PXK: variants seen among roughly 807,000 people sequenced by gnomAD.
PXK encodes the protein PX domain containing serine/threonine kinase like.
Under a neutral mutation model 84.7 loss-of-function variants are expected in PXK, and 35 were observed. The ratio of observed to expected loss-of-function variants is 0.41; its 90% CI spans 0.32 to 0.55. PXK has a LOEUF of 0.55. Among genes scored for constraint, PXK ranks in the 20% least tolerant of loss-of-function variants. The probability of loss-of-function intolerance (pLI) is 0.21; values close to 1 mark genes in which losing one functional copy is unlikely to be tolerated. For missense variants in PXK, 634 were observed against 699.7 expected, an observed-to-expected ratio of 0.91 and a Z score of 1.06; for synonymous variants, 253 against 260.8, an observed-to-expected ratio of 0.97 and a Z score of 0.29.
chr3:58,333,396 A>T lies in PXK; in HGVS notation c.102+306A>T. The T allele has an allele frequency of 3.6e-6, 1 of 280,078 alleles. No individual in the cohort carries two copies. The highest frequency in any genetic ancestry group is 9.3e-5 in the East Asian group (1 of 10,784). The allele number at this position is 280,078 out of a possible 1,614,324, so 17.3% of individuals were successfully genotyped here. On this transcript the variant is annotated intron_variant, in intron 1 of 17. Transcript: ENST00000356151. This position sits in a 1 kb window ranked among gnomAD's most constrained non-coding sequence, Gnocchi z 5.4. ...GGGGGGCGGGGGCGGGGGCTGCGGGATTCCCGGGCTCACCTTGGACTAGGG... is the reference window on the plus strand; with the variant it reads ...GGGGGGCGGGGGCGGGGGCTGCGGGTTTCCCGGGCTCACCTTGGACTAGGG...
At chr3:58,380,495 G>A (rs1420908015) in intron 3 of PXK, among the ~76,000 whole-genome samples, 1 of 151,064 alleles carries the variant, frequency 6.6e-6, no homozygotes, top group African/African-American at 2.4e-5. Flanking sequence ...TAAACTAGAA[G>A]ACAACCAAAT....
In PXK at chr3:58,385,345, C is replaced by T. The variant is rs906414117; in HGVS notation, c.388+2645C>T. Among the ~76,000 whole-genome samples, 4 of 152,170 alleles carry T rather than the reference C, an allele frequency of 2.6e-5. No individual in the cohort carries two copies. The highest frequency in any genetic ancestry group is 1.5e-5 in the Non-Finnish European group (1 of 68,036). On this transcript the variant is annotated intron_variant, in intron 4 of 17. Coordinates refer to ENST00000356151, the MANE Select transcript of PXK (RefSeq NM_017771.5). The surrounding 1 kb of genome is among the most constrained non-coding windows in gnomAD (Gnocchi z 5.1). ...AATGAAATTTCGGAGTTTGTCTAGC[C>T]TCAAGGCTGACATACCAGCCACCTC...
rs1169839604 is a variant in PXK at position 58,369,761 on chromosome 3, T to C, written c.201+283T>C. 2.0e-5 allele frequency among the ~76,000 whole-genome samples: 3 copies of C among 150,266 alleles called. No homozygotes were observed. In the East Asian group the frequency reaches 5.9e-4, roughly 29 times the overall value. ...ATCACTTGAACCTGGGAAGCGGAGGTTGTGGTGAGCCGAGATCGCACCATT... is the reference window on the plus strand; with the variant it reads ...ATCACTTGAACCTGGGAAGCGGAGGCTGTGGTGAGCCGAGATCGCACCATT... On this transcript the variant is annotated intron_variant, in intron 3 of 17. Transcript: ENST00000356151.
At chr3:58,352,685 C>T (rs2097957694) in intron 1 of PXK, among the ~76,000 whole-genome samples, 2 of 152,058 alleles carry the variant, frequency 1.3e-5, no homozygotes, top group Admixed American at 1.3e-4. Flanking sequence ...TAGAATGCTG[C>T]AGGAAGTGGC....
chr3:58,333,521 G>A lies in PXK; in HGVS notation c.102+431G>A, dbSNP rs991239994. 6.6e-6 allele frequency: 3 copies of A among 456,686 alleles called. No homozygotes were observed. Among genetic ancestry groups the A allele is most frequent in the Non-Finnish European group, 1.3e-5 (3 of 226,926 alleles). The allele number at this position is 456,686 out of a possible 1,614,324, so 28.3% of individuals were successfully genotyped here. ...TTCCTCCTTGCAGCTGAGGGTCTGGGTGATGGGGATGAGGGTGTGCCGGGC... is the reference window on the plus strand; with the variant it reads ...TTCCTCCTTGCAGCTGAGGGTCTGGATGATGGGGATGAGGGTGTGCCGGGC... On this transcript the variant is annotated intron_variant, in intron 1 of 17. Coordinates refer to ENST00000356151, the MANE Select transcript of PXK (RefSeq NM_017771.5). The surrounding 1 kb of genome is among the most constrained non-coding windows in gnomAD (Gnocchi z 5.4).
chr3:58,419,799 T>A (rs1171339377), intron 17 of PXK, among the ~76,000 whole-genome samples: 1 of 152,250 alleles, frequency 6.6e-6, no homozygotes, highest in African/African-American at 2.4e-5. Flanking sequence ...TTAGGAACTC[T>A]GAGATTTACC....
chr3:58,391,967 A>C lies in PXK; in HGVS notation c.615+120A>C, dbSNP rs551679473. Reference sequence around the variant, plus strand: ...GGGGAGATACAGTGGATTTCAGGTCAGACTGAAATTGTGTAGGGCTAATCT... The same window carrying C: ...GGGGAGATACAGTGGATTTCAGGTCCGACTGAAATTGTGTAGGGCTAATCT... On this transcript the variant is annotated intron_variant, in intron 7 of 17. Coordinates refer to ENST00000356151, the MANE Select transcript of PXK (RefSeq NM_017771.5). 8.1e-5 allele frequency: 72 copies of C among 893,836 alleles called. No homozygotes were observed. In the Admixed American group the frequency reaches 1.6e-3, roughly 20 times the overall value. The allele number at this position is 893,836 out of a possible 1,614,324, so 55.4% of individuals were successfully genotyped here.
intron 12 of PXK, among the ~76,000 whole-genome samples, chr3:58,402,235 T>TCCCTCCCCCTCGCTCTCC (rs2058684949): frequency 6.7e-6 from 1 of 149,030 alleles, no homozygotes; most frequent in Non-Finnish European, 1.5e-5. Flanking sequence ...CTCTTTTCTT[T>TCCCTCCCCCTCGCTCTCC]CCCTCCCCCT....
chr3:58,394,733 C>G (rs956575198), intron 7 of PXK, among the ~76,000 whole-genome samples: 1 of 152,192 alleles, frequency 6.6e-6, no homozygotes, highest in Non-Finnish European at 1.5e-5. Flanking sequence ...AAAGAGGACC[C>G]CTTCACTTGT....
At position 58,397,490 on chromosome 3, in the gene PXK, A is replaced by AT. The variant is rs1393919895; in HGVS notation, c.985-113dup. 1.1e-6 allele frequency: 1 copy of AT among 940,082 alleles called. No homozygotes were observed. The highest frequency in any genetic ancestry group is 1.7e-6 in the Non-Finnish European group (1 of 586,596). 58.2% of individuals were successfully genotyped at this position (940,082 alleles called of 1,614,324 possible). ...CTTTGGAGTTGCATTTACGTTACCA[A>AT]TTAGGAACGGGGCTATCCCTGGGCT... On this transcript the variant is annotated intron_variant, in intron 10 of 17. Transcript: ENST00000356151. This position sits in a 1 kb window ranked among gnomAD's most constrained non-coding sequence, Gnocchi z 4.7.
At chr3:58,389,758 G>A (rs1278560673) in intron 4 of PXK, among the ~76,000 whole-genome samples, 2 of 152,020 alleles carry the variant, frequency 1.3e-5, no homozygotes, top group African/African-American at 4.8e-5. Context: ...TCAGCACTTT[G>A]GGAGGCCGAG....
chr3:58,377,583 A>G (rs1029118002), intron 3 of PXK, among the ~76,000 whole-genome samples: 7 of 151,726 alleles, frequency 4.6e-5, no homozygotes, highest in African/African-American at 1.7e-4. Context: ...GTTCAAGTAC[A>G]TAGTGAGACC....
rs1553817680 is a variant in PXK, at chr3:58,409,770, T to TTA, written c.1395+152_1395+153insTA. On this transcript the variant is annotated intron_variant, in intron 15 of 17. Transcript: ENST00000356151. This position sits in a 1 kb window ranked among gnomAD's most constrained non-coding sequence, Gnocchi z 4.2. The stretch of plus-strand genomic sequence containing the variant: ...CCAGATGACTGGGGTGCAGTTTTTT[T>TTA]GGGGAAAAAAAAAGAGTCATATGAT... The TTA allele has an allele frequency of 4.2e-6, 1 of 235,392 alleles. No homozygotes were observed. The highest frequency in any genetic ancestry group is 6.0e-5 in the South Asian group (1 of 16,800). The allele number at this position is 235,392 out of a possible 1,614,324, so 14.6% of individuals were successfully genotyped here. A position where few individuals can be genotyped will look rare whatever the true frequency, so the allele number is the denominator to read the frequency against.
At chr3:58,340,379 TCCCA>T in intron 1 of PXK, among the ~76,000 whole-genome samples, 1 of 150,990 alleles carries the variant, frequency 6.6e-6, no homozygotes, top group Non-Finnish European at 1.5e-5. Context: ...CACCTTGGCC[TCCCA>T]AAGTGCTGGG....
In PXK at chr3:58,397,726, A is replaced by C. The variant is rs2057931529; in HGVS notation, c.1102+4A>C. 1 of 1,608,746 alleles carries C rather than the reference A, an allele frequency of 6.2e-7. No individual in the cohort carries two copies. Among genetic ancestry groups the C allele is most frequent in the Non-Finnish European group, 8.5e-7 (1 of 1,175,314 alleles). Reference sequence around the variant, plus strand: ...CCTGCCCCGTCCATGGCTGTGGGTCAGTATGGGGTTGGGAAGGGTCTTCTG... The same window carrying C: ...CCTGCCCCGTCCATGGCTGTGGGTCCGTATGGGGTTGGGAAGGGTCTTCTG... On this transcript the variant is annotated splice_donor_region_variant and intron_variant, in intron 11 of 17. Transcript: ENST00000356151. The surrounding 1 kb of genome is among the most constrained non-coding windows in gnomAD (Gnocchi z 4.7).
At chr3:58,337,481 T>C (rs2097644313) in intron 1 of PXK, among the ~76,000 whole-genome samples, 1 of 152,096 alleles carries the variant, frequency 6.6e-6, no homozygotes, top group Non-Finnish European at 1.5e-5. Context: ...CCAAGGTCTT[T>C]TTTTTTTCAT....
rs1487486860 is a variant in PXK at position 58,409,037 on chromosome 3, T to A, written c.1308+36T>A. On this transcript the variant is annotated intron_variant, in intron 14 of 17. Coordinates refer to ENST00000356151, the MANE Select transcript of PXK (RefSeq NM_017771.5). The surrounding 1 kb of genome is among the most constrained non-coding windows in gnomAD (Gnocchi z 4.2). ...AACGGTTCCTCTTTGCCTTTTAGTG[T>A]CCCCATCCTCTGCCGTGGTTTTTAT... 1.4e-6 allele frequency: 2 copies of A among 1,454,516 alleles called. No homozygotes were observed. The highest frequency in any genetic ancestry group is 1.8e-5 in the Admixed American group (1 of 56,720). 90.1% of individuals were successfully genotyped at this position (1,454,516 alleles called of 1,614,324 possible).
At chr3:58,388,196 C>T (rs945579600) in intron 4 of PXK, among the ~76,000 whole-genome samples, 3 of 152,176 alleles carry the variant, frequency 2.0e-5, no homozygotes, top group Non-Finnish European at 2.9e-5. Context: ...TATCCTTTCT[C>T]CAATTCCCTG....
intron 1 of PXK, among the ~76,000 whole-genome samples, chr3:58,336,330 G>A (rs1440425618): frequency 6.6e-6 from 1 of 152,012 alleles, no homozygotes; most frequent in Non-Finnish European, 1.5e-5. Context: ...CACCAGAAAG[G>A]CATATTTGGA....
Sources: gnomAD v4.1 joint callset for allele counts (sites outside exome capture counted in the v4.1 genomes callset) on GRCh38, gnomAD v4.1.1 for gene constraint, Gnocchi (gnomAD v3.1) non-coding constraint, MANE v1.5 for transcripts, NCBI Gene and HGNC (gene_info 2026-07-23, HGNC 2026-07-21) for gene names.